The following A2ML1 variants were observed in gnomAD, a reference collection of about 807,000 sequenced individuals.
A2ML1 encodes the protein alpha-2-macroglobulin-like protein 1.
Under a neutral mutation model 181.9 loss-of-function variants are expected in A2ML1, and 161 were observed. The observed-to-expected ratio is 0.89, with a 90% CI of 0.78 to 1.01. The LOEUF (loss-of-function observed/expected upper bound fraction) is 1.01. Ranked by LOEUF, A2ML1 falls within the 50% of genes least tolerant of loss-of-function variation. The pLI is 0.00. For synonymous variants in A2ML1, 663 were observed against 666.8 expected (o/e 0.99, Z 0.09); for missense variants, 1,670 against 1,768.1 (o/e 0.94, Z 1.00).
rs1055961822 is a variant in A2ML1, at chr12:8,836,308, C to T, written c.697C>T (p.Gln233Ter). Reference protein sequence around the residue: ...VVEPKELSTVQESFLVKICCR... With the variant: ...VVEPKELSTV Reference sequence around the variant, plus strand: ...GGAACCCAAGGAGTTATCAACGGTGCAGGAATCTTTCTTAGTAAAAATTTG... The same window carrying T: ...GGAACCCAAGGAGTTATCAACGGTGTAGGAATCTTTCTTAGTAAAAATTTG... The change falls in exon 7 of 36, where the codon CAG becomes TAG. Residue 233 changes from glutamine to a stop codon, truncating the protein, a stop_gained. Coordinates refer to ENST00000299698, the MANE Select transcript of A2ML1 (RefSeq NM_144670.6). LOFTEE classifies it high-confidence loss of function. 2 of 1,614,006 alleles carry T rather than the reference C, an allele frequency of 1.2e-6. No homozygotes were observed. The highest frequency in any genetic ancestry group is 1.3e-5 in the African/African-American group (1 of 74,958).
rs866579348 is a variant in A2ML1, at chr12:8,848,747, G to A, written c.1861G>A (p.Gly621Ser). 1.2e-5 allele frequency: 19 copies of A among 1,612,808 alleles called. 1 individual carries two copies. The Middle Eastern group carries it at 3.1e-3, about 266-fold the overall frequency. ...CTATGGGATGTTTCCATTCTGGTAT[G>A]GTCACTACCCCTATCAAGTGGCTGA... The part of the protein sequence containing the change: ...SVYGMFPFWY[G>S]HYPYQVAEYD... The change falls in exon 16 of 36, where the codon GGT becomes AGT. Residue 621 changes from glycine (G) to serine (S), a missense_variant. Transcript: ENST00000299698.
intron 28 of A2ML1, among the ~76,000 whole-genome samples, chr12:8,861,630 G>T (rs1389186091): frequency 6.6e-6 from 1 of 151,926 alleles, no homozygotes; most frequent in Non-Finnish European, 1.5e-5. Context: ...TGGGACTACA[G>T]GCGCCCACCA....
At chr12:8,849,606 GGCAGT>G in intron 16 of A2ML1, 58 bp from the exon 17 acceptor site, 1 of 1,290,452 alleles carries the variant, frequency 7.7e-7, no homozygotes, top group East Asian at 2.3e-5. Flanking sequence ...GGAATTCCTG[GGCAGT>G]AGCCCTTGTA....
Position 8,863,984 on chromosome 12 carries a change from A to C in A2ML1, c.3693A>C (p.Ala1231=). The C allele has an allele frequency of 6.2e-7, 1 of 1,612,580 alleles. No individual in the cohort carries two copies. Among genetic ancestry groups the C allele is most frequent in the Non-Finnish European group, 8.5e-7 (1 of 1,179,898 alleles). The change falls in exon 29 of 36, where the codon GCA becomes GCC. Residue 1231 remains alanine (A), a synonymous_variant. Transcript: ENST00000299698. ...CTTGGTTGGCCAAGCAACACAATGC[A>C]TATGGGGGCTTCTCTTCTACTCAGG... The part of the protein sequence containing the change: ...IVAWLAKQHN[A]YGGFSSTQDT...
At chr12:8,823,943 AAG>A in intron 3 of A2ML1, 61 bp downstream of exon 3, 1 of 1,527,440 alleles carries the variant, frequency 6.5e-7, no homozygotes, top group Admixed American at 2.0e-5. Flanking sequence ...CACAGGGGTA[AAG>A]AGGGGATTTG....
chr12:8,884,919 C>T (rs1944907304), intron 7 of A2ML1, among the ~76,000 whole-genome samples: 1 of 151,922 alleles, frequency 6.6e-6, no homozygotes, highest in African/African-American at 2.4e-5. Context: ...TATCCAATCT[C>T]TCATTGATGG....
intron 26 of A2ML1, among the ~76,000 whole-genome samples, chr12:8,860,016 C>A (rs1944200919): frequency 6.6e-6 from 1 of 152,092 alleles, no homozygotes; most frequent in African/African-American, 2.4e-5. Context: ...TAACCGTGAG[C>A]AAGCTATTTA....
intron 23 of A2ML1, 141 bp from the exon 24 acceptor site, chr12:8,857,023 G>A: frequency 1.3e-6 from 1 of 748,380 alleles, no homozygotes; most frequent in Non-Finnish European, 2.1e-6. Flanking sequence ...TGGAATTACA[G>A]GCGTGAGCCA....
chr12:8,822,636 T>G lies in A2ML1; in HGVS notation c.-16T>G. 1 of 1,613,004 alleles carries G rather than the reference T, an allele frequency of 6.2e-7. No individual in the cohort carries two copies. Among genetic ancestry groups the G allele is most frequent in the Non-Finnish European group, 8.5e-7 (1 of 1,179,092 alleles). Reference sequence around the variant, plus strand: ...CTCTGCCCCTGACCCTGGAAAAATCTGTCTCACCCACAAAGATGTGGGCTC... The same window carrying G: ...CTCTGCCCCTGACCCTGGAAAAATCGGTCTCACCCACAAAGATGTGGGCTC... On this transcript the variant is annotated 5_prime_UTR_variant, in exon 1 of 36. Transcript: ENST00000299698.
At chr12:8,834,816 C>A in intron 5 of A2ML1, 134 bp downstream of exon 5, 1 of 1,004,148 alleles carries the variant, frequency 1.0e-6, no homozygotes, top group South Asian at 1.5e-5. Context: ...GCACCGAGCG[C>A]CCACATCCAC....
At position 8,843,261 on chromosome 12, in the gene A2ML1, A is replaced by G. The variant is rs1395996282; in HGVS notation, c.1376A>G (p.Asn459Ser). The change falls in exon 12 of 36, where the codon AAC becomes AGC. Residue 459 changes from asparagine (N) to serine (S), a missense_variant. Coordinates refer to ENST00000299698, the MANE Select transcript of A2ML1 (RefSeq NM_144670.6). ...TRSFLGIHRL[N>S]GPLKCGQPQE... ...AGCTTCCTTGGCATCCACCGGCTAA[A>G]CGGCCCCTTGAAATGTGGCCAGCCC... The G allele has an allele frequency of 1.2e-6, 2 of 1,614,190 alleles. No homozygotes were observed. The highest frequency in any genetic ancestry group is 2.2e-5 in the South Asian group (2 of 91,078).
intron 4 of A2ML1, among the ~76,000 whole-genome samples, chr12:8,833,596 A>G (rs992255127): frequency 1.3e-5 from 2 of 151,852 alleles, no homozygotes; most frequent in Admixed American, 6.6e-5. Context: ...GGGTTTCACC[A>G]TGTTGGCCAG....
downstream of A2ML1, among the ~76,000 whole-genome samples, chr12:8,878,379 T>C (rs144155560): frequency 3.5e-3 from 532 of 152,334 alleles, 3 homozygotes; most frequent in African/African-American, 0.012. The surrounding 1 kb of genome is among the most constrained non-coding windows in gnomAD (Gnocchi z 4.4). Context: ...GCCATTATCC[T>C]AAGTGAATTA....
chr12:8,879,388 G>A (rs868369499), downstream of A2ML1, among the ~76,000 whole-genome samples: 1 of 152,130 alleles, frequency 6.6e-6, no homozygotes, highest in African/African-American at 2.4e-5. Context: ...CTACTCGGGA[G>A]GCTGAGGCAG....
rs537292419 is a variant in A2ML1 at position 8,843,165 on chromosome 12, A to G, written c.1280A>G (p.Asn427Ser). 2.4e-5 allele frequency: 38 copies of G among 1,614,046 alleles called. No homozygotes were observed. Among genetic ancestry groups the G allele is most frequent in the Middle Eastern group, 3.3e-4 (2 of 6,084 alleles). ...TTTCAAATGGAAGACTTAGTATATAATCCGGAACAAGTGCCACGTTACTAC... is the reference window on the plus strand; with the variant it reads ...TTTCAAATGGAAGACTTAGTATATAGTCCGGAACAAGTGCCACGTTACTAC... ...GKFQMEDLVY[N>S]PEQVPRYYQN... The change falls in exon 12 of 36, where the codon AAT becomes AGT. Residue 427 changes from asparagine to serine, a missense_variant. Asn to Ser is a conservative substitution (Grantham distance 46, BLOSUM62 1). Transcript: ENST00000299698.
intron 22 of A2ML1, 52 bp from the exon 23 acceptor site, chr12:8,855,457 C>A (rs1944030505): frequency 6.4e-7 from 1 of 1,572,116 alleles, no homozygotes; most frequent in South Asian, 1.1e-5. Context: ...TCTTGAGAAC[C>A]CCTGCCATTC....
intron 10 of A2ML1, among the ~76,000 whole-genome samples, chr12:8,839,638 T>C (rs1943401093): frequency 6.6e-6 from 1 of 152,240 alleles, no homozygotes; most frequent in Non-Finnish European, 1.5e-5. Context: ...GCAGGGTTTC[T>C]AGAGAAATCA....
At chr12:8,839,069 A>C (rs1193634691) in intron 9 of A2ML1, 44 bp from the exon 10 acceptor site, 1 of 1,316,574 alleles carries the variant, frequency 7.6e-7, no homozygotes. Flanking sequence ...GAAGATGAGA[A>C]TATCAGGTGC....
At chr12:8,831,772 G>A (rs1175067967) in intron 4 of A2ML1, among the ~76,000 whole-genome samples, 3 of 149,424 alleles carry the variant, frequency 2.0e-5, no homozygotes, top group African/African-American at 5.1e-5. Context: ...TTTTTGAGAC[G>A]GAGTTTCATT....
Sources: allele counts gnomAD v4.1 joint callset (sites outside exome capture counted in the v4.1 genomes callset), GRCh38; gene constraint gnomAD v4.1.1; non-coding constraint Gnocchi (gnomAD v3.1); transcripts MANE v1.5; gene names NCBI Gene and HGNC (gene_info 2026-07-23, HGNC 2026-07-21).